Variants in DOCK5 observed in about 807,000 individuals in gnomAD.
DOCK5 encodes dedicator of cytokinesis protein 5.
DOCK5 carries 142 observed loss-of-function variants against 251.8 expected under a neutral mutation model. That is an observed-to-expected ratio of 0.56 (90% CI 0.49 to 0.65). DOCK5 has a LOEUF of 0.65. Ranked by LOEUF, DOCK5 falls within the 30% of genes least tolerant of loss-of-function variation. The pLI is 0.00. For synonymous variants in DOCK5, 842 were observed against 835.5 expected, an observed-to-expected ratio of 1.01 and a Z score of -0.13; for missense variants, 2,111 against 2,312.3, an observed-to-expected ratio of 0.91 and a Z score of 1.79.
intron 2 of DOCK5, among the ~76,000 whole-genome samples, chr8:25,253,514 T>C (rs540761581): frequency 9.9e-5 from 15 of 152,280 alleles, no homozygotes; most frequent in African/African-American, 2.9e-4. Context: ...TTTATTTTTT[T>C]TAAATGCGTT....
At chr8:25,393,689 A>C (rs903110844) in intron 44 of DOCK5, among the ~76,000 whole-genome samples, 2 of 152,094 alleles carry the variant, frequency 1.3e-5, no homozygotes, top group African/African-American at 4.8e-5. Context: ...TTCTCAATGA[A>C]TCCATCTCTG....
In DOCK5 at chr8:25,345,460, T is replaced by C; in HGVS notation, c.2618-15T>C. 9.9e-6 allele frequency: 16 copies of C among 1,613,082 alleles called. No individual in the cohort carries two copies. The highest frequency in any genetic ancestry group is 1.4e-5 in the Non-Finnish European group (16 of 1,179,604). On this transcript the variant is annotated splice_polypyrimidine_tract_variant and intron_variant, in intron 25 of 51. Transcript: ENST00000276440. ...GGCACTGCTGTGTGTGAGCTGTCTG[T>C]GTTTTCCTTCTCAGAGTGCAGAGAA...
intron 34 of DOCK5, among the ~76,000 whole-genome samples, chr8:25,372,078 A>G (rs932192711): frequency 2.0e-5 from 3 of 152,200 alleles, no homozygotes; most frequent in Non-Finnish European, 4.4e-5. Context: ...AGGTTCCTCT[A>G]GGCTGGGCAT....
Position 25,345,538 on chromosome 8 carries a change from C to T in DOCK5, c.2681C>T (p.Ser894Phe). Reference sequence around the variant, plus strand: ...CTCAGCGGCCAGTTAGATGACAACTCCAACAAGCCTGACCACGAGGCAAGC... The same window carrying T: ...CTCAGCGGCCAGTTAGATGACAACTTCAACAAGCCTGACCACGAGGCAAGC... ...DQLSGQLDDN[S>F]NKPDHEASSQ... The change falls in exon 26 of 52, where the codon TCC becomes TTC. Residue 894 changes from serine (S) to phenylalanine (F), a missense_variant. Transcript: ENST00000276440. 1 of 1,613,908 alleles carries T rather than the reference C, an allele frequency of 6.2e-7. No individual in the cohort carries two copies. The highest frequency in any genetic ancestry group is 8.5e-7 in the Non-Finnish European group (1 of 1,179,892).
At chr8:25,346,528 G>C (rs752248815) in intron 26 of DOCK5, among the ~76,000 whole-genome samples, 3 of 150,784 alleles carry the variant, frequency 2.0e-5, no homozygotes. Context: ...CATCCCTCTT[G>C]AAAACACAGG....
intron 25 of DOCK5, 53 bp downstream of exon 25, chr8:25,342,560 C>T (rs1805980573): frequency 7.6e-7 from 1 of 1,324,436 alleles, no homozygotes; most frequent in African/African-American, 1.5e-5. Context: ...TGAGATTGCA[C>T]CATTGCACTC....
intron 38 of DOCK5, among the ~76,000 whole-genome samples, chr8:25,379,960 C>T (rs1001713618): frequency 1.1e-4 from 16 of 152,106 alleles, no homozygotes; most frequent in African/African-American, 2.9e-4. Context: ...GCATGCTTTC[C>T]GAACCTGGGC....
chr8:25,221,085 A>G (rs1321051196), intron 1 of DOCK5, among the ~76,000 whole-genome samples: 2 of 152,048 alleles, frequency 1.3e-5, no homozygotes, highest in South Asian at 2.1e-4. Flanking sequence ...CAAGCTACCT[A>G]TATCACTTTA....
At chr8:25,245,304 CCT>C (rs1803069980) in intron 2 of DOCK5, among the ~76,000 whole-genome samples, 1 of 152,152 alleles carries the variant, frequency 6.6e-6, no homozygotes, top group Non-Finnish European at 1.5e-5. Flanking sequence ...GATCCGCCTG[CCT>C]TGGCTTCCCA....
intron 45 of DOCK5, among the ~76,000 whole-genome samples, chr8:25,396,175 C>T (rs974494852): frequency 3.9e-5 from 6 of 152,044 alleles, no homozygotes; most frequent in African/African-American, 9.7e-5. Context: ...AGGTCAGGAG[C>T]GCGAGACCAT....
chr8:25,231,426 C>T (rs1385844696), intron 1 of DOCK5, among the ~76,000 whole-genome samples: 1 of 152,184 alleles, frequency 6.6e-6, no homozygotes, highest in East Asian at 1.9e-4. Flanking sequence ...ACTACACTTG[C>T]ACTTCGTGGG....
At chr8:25,277,275 A>G (rs772337276) in intron 4 of DOCK5, 1 of 153,260 alleles carries the variant, frequency 6.5e-6, no homozygotes. Flanking sequence ...TTAAATGAGA[A>G]CAGTCTTGTT....
chr8:25,325,397 T>C lies in DOCK5; in HGVS notation c.1753T>C (p.Tyr585His). 1 of 1,613,962 alleles carries C rather than the reference T, an allele frequency of 6.2e-7. No homozygotes were observed. The highest frequency in any genetic ancestry group is 8.5e-7 in the Non-Finnish European group (1 of 1,179,872). ...DNKKMEDAKF[Y>H]LTLPGTKMEM... The stretch of plus-strand genomic sequence containing the variant: ...CAAAAAAATGGAAGATGCTAAATTC[T>C]ACCTGACCCTGCCTGGAACCAAGAT... The change falls in exon 18 of 52, where the codon TAC becomes CAC. Residue 585 changes from tyrosine (Y) to histidine (H), a missense_variant. By Grantham distance (83) the Tyr-to-His change is moderately conservative (BLOSUM62 2). Coordinates refer to ENST00000276440, the MANE Select transcript of DOCK5 (RefSeq NM_024940.8).
At chr8:25,295,785 G>T (rs528891985) in intron 6 of DOCK5, among the ~76,000 whole-genome samples, 2 of 152,180 alleles carry the variant, frequency 1.3e-5, no homozygotes, top group African/African-American at 4.8e-5. Context: ...CAATGTTTGT[G>T]AAGTGTATAT....
chr8:25,306,642 C>G (rs1420095752), intron 11 of DOCK5, among the ~76,000 whole-genome samples: 1 of 151,248 alleles, frequency 6.6e-6, no homozygotes, highest in Non-Finnish European at 1.5e-5. Context: ...TGCAGTGAGC[C>G]AAGATCACGC....
intron 41 of DOCK5, 61 bp from the exon 42 acceptor site, chr8:25,390,145 T>A: frequency 7.0e-7 from 1 of 1,426,436 alleles, no homozygotes; most frequent in African/African-American, 1.4e-5. Flanking sequence ...GGAACAGGGG[T>A]GTTTGGTGTC....
chr8:25,204,982 T>C (rs1406215129), intron 1 of DOCK5, among the ~76,000 whole-genome samples: 1 of 152,096 alleles, frequency 6.6e-6, no homozygotes, highest in African/African-American at 2.4e-5. Context: ...GATAATTAGG[T>C]TTAGATGAGT....
Position 25,375,716 on chromosome 8 carries a change from CAT to C in DOCK5, c.3816+1065_3816+1066del, listed in dbSNP as rs1355231637. The C allele has an allele frequency of 4.1e-6, 4 of 984,616 alleles. No homozygotes were observed. The Admixed American group carries it at 1.8e-4, about 45-fold the overall frequency. The allele number at this position is 984,616 out of a possible 1,614,324, so 61.0% of individuals were successfully genotyped here. The stretch of plus-strand genomic sequence containing the variant: ...AAGTAATATATGGGCATTGTCCGAA[CAT>C]ATGAGTTAAAAATAGGATTCCTATG... On this transcript the variant is annotated intron_variant, in intron 37 of 51. Transcript: ENST00000276440.
intron 21 of DOCK5, among the ~76,000 whole-genome samples, chr8:25,334,493 T>A (rs1805755908): frequency 6.6e-6 from 1 of 152,058 alleles, no homozygotes; most frequent in Non-Finnish European, 1.5e-5. Flanking sequence ...GGAGGATTGC[T>A]TGAGGCCAGG....
Sources: allele counts gnomAD v4.1 joint callset (sites outside exome capture counted in the v4.1 genomes callset), GRCh38; gene constraint gnomAD v4.1.1; transcripts MANE v1.5; gene names NCBI Gene and HGNC (gene_info 2026-07-23, HGNC 2026-07-21).